SUPT3H: variants seen among roughly 807,000 people sequenced by gnomAD.
SUPT3H encodes the protein transcription initiation protein SPT3 homolog.
Under a neutral mutation model 44.3 loss-of-function variants are expected in SUPT3H, and 44 were observed. That is an observed-to-expected ratio of 0.99 (90% confidence interval 0.78 to 1.28). The LOEUF (loss-of-function observed/expected upper bound fraction) is 1.28, where lower values mean the gene tolerates loss of function less well. Among genes scored for constraint, SUPT3H ranks in the 50% most tolerant of loss-of-function variants. The pLI, the probability that SUPT3H is intolerant of heterozygous loss-of-function variation, is 0.00. For synonymous variants in SUPT3H, 124 were observed against 125.6 expected, an observed-to-expected ratio of 0.99 and a Z score of 0.09; for missense variants, 380 against 387.1, an observed-to-expected ratio of 0.98 and a Z score of 0.15.
intron 10 of SUPT3H, among the ~76,000 whole-genome samples, chr6:44,832,075 T>TA (rs564078434): frequency 2.3e-4 from 33 of 146,130 alleles, no homozygotes; most frequent in Non-Finnish European, 5.0e-4. Flanking sequence ...TAGGGTACTC[T>TA]ATTTTGAGTC....
chr6:45,158,298 A>ATAATTTTTTTT, intron 2 of SUPT3H, among the ~76,000 whole-genome samples: 1 of 99,694 alleles, frequency 1.0e-5, no homozygotes, highest in Non-Finnish European at 1.7e-5. Context: ...ATATATATAT[A>ATAATTTTTTTT]TTTTTTTTTT....
intron 3 of SUPT3H, among the ~76,000 whole-genome samples, chr6:45,070,809 TGAC>T (rs1425518724): frequency 6.7e-6 from 1 of 149,860 alleles, no homozygotes; most frequent in Non-Finnish European, 1.5e-5. Flanking sequence ...CAAACTGGAG[TGAC>T]GACAAGGAAG....
intron 2 of SUPT3H, among the ~76,000 whole-genome samples, chr6:45,120,262 C>A (rs1168496382): frequency 6.6e-6 from 1 of 150,976 alleles, no homozygotes; most frequent in Non-Finnish European, 1.5e-5. Flanking sequence ...TTTCAGTTTC[C>A]ACCACAATAA....
intron 10 of SUPT3H, among the ~76,000 whole-genome samples, chr6:44,850,291 G>T (rs1233185842): frequency 1.3e-5 from 2 of 152,310 alleles, no homozygotes; most frequent in Non-Finnish European, 2.9e-5. Flanking sequence ...TTGAATCACA[G>T]TTCCCCTCCA....
Position 45,344,601 on chromosome 6 carries a change from A to T in SUPT3H, c.101+20600T>A, listed in dbSNP as rs1194903114. 2.0e-5 allele frequency among the ~76,000 whole-genome samples: 3 copies of T among 152,206 alleles called. No homozygotes were observed. In the East Asian group the frequency reaches 5.8e-4, roughly 29 times the overall value. On this transcript the variant is annotated intron_variant, in intron 2 of 10. Coordinates refer to ENST00000371459, the MANE Select transcript of SUPT3H (RefSeq NM_003599.4). ...ACAACAAAAACTATTAAGAGGCCAC[A>T]AAAAGCTATGCCTACCACAAATTTA...
intron 2 of SUPT3H, among the ~76,000 whole-genome samples, chr6:45,239,674 G>T (rs1769918216): frequency 6.6e-6 from 1 of 152,180 alleles, no homozygotes; most frequent in Admixed American, 6.5e-5. Context: ...CTTTTGCAGT[G>T]TTTTACAGTG....
chr6:45,037,839 A>G (rs1295876888), intron 3 of SUPT3H, among the ~76,000 whole-genome samples: 1 of 151,512 alleles, frequency 6.6e-6, no homozygotes, highest in Non-Finnish European at 1.5e-5. Flanking sequence ...AGTTATATCT[A>G]GATAACAAAA....
chr6:45,362,607 T>C (rs1794453692), intron 2 of SUPT3H, among the ~76,000 whole-genome samples: 1 of 152,168 alleles, frequency 6.6e-6, no homozygotes, highest in East Asian at 1.9e-4. Flanking sequence ...ATTTCCCTGT[T>C]CTATAAAGAA....
intron 7 of SUPT3H, among the ~76,000 whole-genome samples, 156 bp downstream of exon 7, chr6:44,961,597 A>G (rs1159157171): frequency 4.6e-5 from 7 of 152,188 alleles, no homozygotes. Context: ...AATCATTTAT[A>G]GGCTCCCCAC....
chr6:45,276,247 T>C (rs1005675728), intron 2 of SUPT3H, among the ~76,000 whole-genome samples: 5 of 152,098 alleles, frequency 3.3e-5, no homozygotes, highest in Non-Finnish European at 7.4e-5. Flanking sequence ...TAGAATAATA[T>C]AGCACAACTA....
chr6:44,890,770 T>TA (rs201340918), intron 10 of SUPT3H, among the ~76,000 whole-genome samples: 86 of 141,720 alleles, frequency 6.1e-4, no homozygotes, highest in African/African-American at 1.6e-3. Flanking sequence ...ATAATAATAA[T>TA]AAAAAAAAAA....
chr6:45,079,026 T>G (rs1369232634), intron 3 of SUPT3H, among the ~76,000 whole-genome samples: 1 of 152,122 alleles, frequency 6.6e-6, no homozygotes, highest in African/African-American at 2.4e-5. Flanking sequence ...TTGTTACATA[T>G]ATTGCTGGGC....
At chr6:45,050,863 A>T (rs1046712492) in intron 3 of SUPT3H, among the ~76,000 whole-genome samples, 10 of 148,466 alleles carry the variant, frequency 6.7e-5, no homozygotes, top group Admixed American at 2.7e-4. Context: ...CCTTGTGTGT[A>T]TAAGAGGGTA....
intron 10 of SUPT3H, among the ~76,000 whole-genome samples, chr6:44,891,375 T>C (rs966180941): frequency 4.6e-5 from 7 of 152,102 alleles, no homozygotes; most frequent in Non-Finnish European, 1.0e-4. Context: ...CAAGAATCAA[T>C]TGACTAAAAC....
chr6:45,190,947 T>A (rs1815024878), intron 2 of SUPT3H, among the ~76,000 whole-genome samples: 1 of 152,110 alleles, frequency 6.6e-6, no homozygotes, highest in Admixed American at 6.5e-5. Context: ...CAACAGGAAC[T>A]CTCATTCACT....
intron 10 of SUPT3H, among the ~76,000 whole-genome samples, chr6:44,895,102 GATTC>G (rs1763917486): frequency 6.6e-6 from 1 of 151,764 alleles, no homozygotes; most frequent in African/African-American, 2.4e-5. Flanking sequence ...CCTCAGTTTA[GATTC>G]ATTATACACA....
Position 44,998,890 on chromosome 6 carries a change from A to C in SUPT3H, c.504+4763T>G, listed in dbSNP as rs1427114511. Among the ~76,000 whole-genome samples, 4 of 152,120 alleles carry C rather than the reference A, an allele frequency of 2.6e-5. No homozygotes were observed. The East Asian group carries it at 7.7e-4, about 29-fold the overall frequency. Reference sequence around the variant, plus strand: ...TAATAATGAAAGACTTAAAAGCAAAAAAGTTGCTTCTCTTTTTAACAAAGC... The same window carrying C: ...TAATAATGAAAGACTTAAAAGCAAACAAGTTGCTTCTCTTTTTAACAAAGC... On this transcript the variant is annotated intron_variant, in intron 6 of 10. Coordinates refer to ENST00000371459, the MANE Select transcript of SUPT3H (RefSeq NM_003599.4).
intron 10 of SUPT3H, among the ~76,000 whole-genome samples, chr6:44,931,899 C>T (rs937789413): frequency 3.0e-4 from 46 of 152,204 alleles, no homozygotes; most frequent in African/African-American, 1.0e-3. Context: ...TATACATATA[C>T]ATTTTCATTA....
At chr6:44,865,846 G>A (rs566052729) in intron 10 of SUPT3H, among the ~76,000 whole-genome samples, 2 of 152,276 alleles carry the variant, frequency 1.3e-5, no homozygotes, top group East Asian at 3.9e-4. Context: ...GAGTTCTGCT[G>A]TAAAAGGGCA....
Sources: gnomAD v4.1 joint callset for allele counts (sites outside exome capture counted in the v4.1 genomes callset) on GRCh38, gnomAD v4.1.1 for gene constraint, MANE v1.5 for transcripts, NCBI Gene and HGNC (gene_info 2026-07-23, HGNC 2026-07-21) for gene names.